Variants in RFX3 observed in about 807,000 individuals in gnomAD.
RFX3 encodes regulatory factor X3.
A neutral mutation model predicts 98.6 loss-of-function variants in RFX3; 14 were observed. The observed-to-expected ratio is 0.14, with a 90% CI of 0.09 to 0.22. The LOEUF (loss-of-function observed/expected upper bound fraction) is 0.22, where lower values mean the gene tolerates loss of function less well. RFX3 is among the 10% of genes least tolerant of loss of function. RFX3 has a pLI of 1.00. For missense variants in RFX3, 639 were observed against 926.9 expected (o/e 0.69, Z 4.03); for synonymous variants, 383 against 328.4 (o/e 1.17, Z -1.80).
intron 14 of RFX3, among the ~76,000 whole-genome samples, chr9:3,250,545 C>A (rs966326579): frequency 6.6e-6 from 1 of 151,964 alleles, no homozygotes; most frequent in Non-Finnish European, 1.5e-5. Context: ...GGAAATTTGG[C>A]AGTATTTGTC....
rs541109449 is a variant in RFX3, at chr9:3,301,335, A to G, written c.549+211T>C. ...AATATTATATCTGTACCCAAAGAGT[A>G]CAGAAACCTAATAAATTATACTGGA... On this transcript the variant is annotated intron_variant, in intron 5 of 16. Coordinates refer to ENST00000617270, the MANE Select transcript of RFX3 (RefSeq NM_001282116.2). 5.9e-5 allele frequency among the ~76,000 whole-genome samples: 9 copies of G among 152,034 alleles called. No individual in the cohort carries two copies. The South Asian group carries it at 6.2e-4, about 11-fold the overall frequency.
intron 5 of RFX3, among the ~76,000 whole-genome samples, chr9:3,294,846 A>T (rs924068298): frequency 2.0e-5 from 3 of 152,160 alleles, no homozygotes; most frequent in Admixed American, 6.6e-5. Flanking sequence ...GAAGTCCTTC[A>T]CAGGACACAT....
intron 2 of RFX3, among the ~76,000 whole-genome samples, chr9:3,381,197 C>G (rs1188461089): frequency 6.6e-6 from 1 of 151,702 alleles, no homozygotes; most frequent in African/African-American, 2.4e-5. Flanking sequence ...CAAGGAAAAA[C>G]CTTGAAAATA....
At chr9:3,349,180 C>T (rs1454698547) in intron 2 of RFX3, among the ~76,000 whole-genome samples, 2 of 151,786 alleles carry the variant, frequency 1.3e-5, no homozygotes, top group Non-Finnish European at 2.9e-5. Flanking sequence ...CATCTTTGCT[C>T]TTATGGTACA....
chr9:3,506,409 T>C (rs1817101485), intron 1 of RFX3, among the ~76,000 whole-genome samples: 1 of 151,738 alleles, frequency 6.6e-6, no homozygotes, highest in African/African-American at 2.4e-5. Context: ...CCTCTACTTT[T>C]GACATCCCAG....
chr9:3,231,923 G>C (rs538476679), intron 15 of RFX3, among the ~76,000 whole-genome samples: 1 of 152,058 alleles, frequency 6.6e-6, no homozygotes, highest in South Asian at 2.1e-4. Flanking sequence ...AATTAGCTGG[G>C]CATGGTGGCG....
At chr9:3,320,694 ATG>A (rs942163680) in intron 4 of RFX3, among the ~76,000 whole-genome samples, 5 of 142,516 alleles carry the variant, frequency 3.5e-5, no homozygotes, top group Non-Finnish European at 5.9e-5. Flanking sequence ...ATGTGTACAT[ATG>A]TGTGTGTGCA....
At chr9:3,480,657 A>G (rs1169673764) in intron 1 of RFX3, among the ~76,000 whole-genome samples, 2 of 152,164 alleles carry the variant, frequency 1.3e-5, no homozygotes, top group African/African-American at 4.8e-5. Context: ...CTTTCCCACA[A>G]TGAGAGTCAA....
rs574771200 is a variant in RFX3, at chr9:3,407,770, T to C, written c.-8-12174A>G. On this transcript the variant is annotated intron_variant, in intron 1 of 16. Transcript: ENST00000617270. ...TCCTCTAAAAAATATCTTAATTTCA[T>C]TTCCAGCAATGCAGAGTACCTGACA... is the stretch of plus-strand genomic sequence containing the variant. Among the ~76,000 whole-genome samples, 103 of 152,272 alleles carry C rather than the reference T, an allele frequency of 6.8e-4. No homozygotes were observed. The Middle Eastern group carries it at 0.01, about 15-fold the overall frequency.
intron 5 of RFX3, among the ~76,000 whole-genome samples, chr9:3,293,560 G>A (rs1292231772): frequency 6.6e-6 from 1 of 152,040 alleles, no homozygotes; most frequent in Non-Finnish European, 1.5e-5. Flanking sequence ...ACCACTTCAA[G>A]GAGTTCAAAT....
intron 4 of RFX3, among the ~76,000 whole-genome samples, chr9:3,311,899 A>C (rs1279547345): frequency 6.6e-5 from 10 of 151,964 alleles, no homozygotes; most frequent in South Asian, 2.1e-4. Flanking sequence ...CTACTCCCCC[A>C]AAAAAGAAAT....
chr9:3,380,720 A>T (rs1374819292), intron 2 of RFX3, among the ~76,000 whole-genome samples: 2 of 152,220 alleles, frequency 1.3e-5, no homozygotes, highest in Non-Finnish European at 2.9e-5. Context: ...AGTATTACCA[A>T]CCAAAATGAA....
At chr9:3,421,013 A>T in intron 1 of RFX3, 28 of 356,734 alleles carry the variant, frequency 7.8e-5, no homozygotes, top group Non-Finnish European at 9.6e-5. Context: ...TATTTCTACT[A>T]TGTGCCAAAA....
intron 1 of RFX3, among the ~76,000 whole-genome samples, chr9:3,427,473 ATT>A (rs983544744): frequency 1.4e-5 from 2 of 144,976 alleles, no homozygotes; most frequent in Non-Finnish European, 3.0e-5. Flanking sequence ...ATAAATATAT[ATT>A]GTTATATAAT....
chr9:3,234,681 A>C lies in RFX3; in HGVS notation c.1969-5792T>G, dbSNP rs568300155. On this transcript the variant is annotated intron_variant, in intron 15 of 16. Transcript: ENST00000617270. ...AAACAAAAAAACCCAAAAGCACCCC[A>C]CCCCAAAATCAAACCACTTCATTTA... 1.4e-4 allele frequency among the ~76,000 whole-genome samples: 21 copies of C among 152,050 alleles called. No homozygotes were observed. The South Asian group carries it at 1.7e-3, about 12-fold the overall frequency.
At chr9:3,311,888 C>G (rs550510359) in intron 4 of RFX3, among the ~76,000 whole-genome samples, 3 of 152,044 alleles carry the variant, frequency 2.0e-5, no homozygotes, top group Non-Finnish European at 4.4e-5. Flanking sequence ...TGCCCACCCC[C>G]CTACTCCCCC....
chr9:3,326,276 A>G (rs1296022846), intron 4 of RFX3, among the ~76,000 whole-genome samples: 1 of 152,148 alleles, frequency 6.6e-6, no homozygotes, highest in Non-Finnish European at 1.5e-5. Context: ...AGTTGATATA[A>G]TATATTCATC....
intron 1 of RFX3, among the ~76,000 whole-genome samples, chr9:3,468,830 AAG>A (rs1848542074): frequency 6.6e-6 from 1 of 151,030 alleles, no homozygotes; most frequent in African/African-American, 2.4e-5. Context: ...AAAAAAAAAA[AAG>A]AAAAAAGAAA....
intron 2 of RFX3, among the ~76,000 whole-genome samples, chr9:3,387,944 A>G (rs1255623607): frequency 1.3e-5 from 2 of 152,176 alleles, no homozygotes; most frequent in Admixed American, 1.3e-4. Flanking sequence ...TCTTGGGCAT[A>G]GCTCCCCAAA....
Sources: allele counts gnomAD v4.1 joint callset (sites outside exome capture counted in the v4.1 genomes callset), GRCh38; gene constraint gnomAD v4.1.1; transcripts MANE v1.5; gene names NCBI Gene and HGNC (gene_info 2026-07-23, HGNC 2026-07-21).